The following KLF11 variants were observed in gnomAD, a reference collection of about 807,000 sequenced individuals.
KLF11 encodes the protein KLF transcription factor 11, also known as Krueppel-like factor 11.
A neutral mutation model predicts 29.9 loss-of-function variants in KLF11; 26 were observed. The ratio of observed to expected loss-of-function variants is 0.87; its 90% CI spans 0.64 to 1.21. The LOEUF (loss-of-function observed/expected upper bound fraction) is 1.21. Among genes scored for constraint, KLF11 ranks in the 50% most tolerant of loss-of-function variants. The pLI, the probability that KLF11 is intolerant of heterozygous loss-of-function variation, is 0.00. For missense variants in KLF11, 778 were observed against 665.7 expected, an observed-to-expected ratio of 1.17 and a Z score of -1.86; for synonymous variants, 318 against 257.4, an observed-to-expected ratio of 1.24 and a Z score of -2.25.
intron 1 of KLF11, among the ~76,000 whole-genome samples, chr2:10,045,638 A>G (rs1165870116): frequency 6.6e-6 from 1 of 152,228 alleles, no homozygotes; most frequent in Non-Finnish European, 1.5e-5. Flanking sequence ...CATGGGCCCT[A>G]CCTGCGTGGA....
intron 1 of KLF11, among the ~76,000 whole-genome samples, chr2:10,045,736 A>G (rs1408119335): frequency 6.6e-6 from 1 of 152,242 alleles, no homozygotes; most frequent in Admixed American, 6.5e-5. Flanking sequence ...TCAGAGAGCC[A>G]TGGTCAGGGC....
intron 3 of KLF11, 86 bp from the exon 4 acceptor site, chr2:10,052,141 A>G: frequency 7.3e-7 from 1 of 1,364,282 alleles, no homozygotes; most frequent in Non-Finnish European, 1.0e-6. Context: ...TTTGATGAAC[A>G]CGATTTTAAA....
chr2:10,049,050 A>C (rs557609197), intron 3 of KLF11, among the ~76,000 whole-genome samples: 127 of 152,270 alleles, frequency 8.3e-4, no homozygotes, highest in African/African-American at 3.0e-3. Context: ...ATTTTTTAAA[A>C]GAGTATAGTT....
At position 10,043,747 on chromosome 2, in the gene KLF11, G is replaced by A. The variant is rs1405894919; in HGVS notation, c.31G>A (p.Asp11Asn). 1 of 1,377,170 alleles carries A rather than the reference G, an allele frequency of 7.3e-7. No individual in the cohort carries two copies. Among genetic ancestry groups the A allele is most frequent in the Non-Finnish European group, 9.5e-7 (1 of 1,049,546 alleles). 85.3% of individuals were successfully genotyped at this position (1,377,170 alleles called of 1,614,324 possible). A position where few individuals can be genotyped will look rare whatever the true frequency, so the allele number is the denominator to read the frequency against. The change falls in exon 1 of 4, where the codon GAC (aspartate) becomes AAC (asparagine). Residue 11 changes from aspartate (D) to asparagine (N), a missense_variant. Transcript: ENST00000305883. MHTPDFAGPDDARAVDIMDIC... is the reference protein window; with the variant it reads MHTPDFAGPDNARAVDIMDIC... ...CACGCCGGACTTCGCAGGCCCAGAC[G>A]ACGCGCGCGCAGTGAGTGGTGGGGC...
chr2:10,047,871 C>T lies in KLF11; in HGVS notation c.534C>T (p.His178=), dbSNP rs777395231. 5 of 1,613,754 alleles carry T rather than the reference C, an allele frequency of 3.1e-6. No homozygotes were observed. In the Admixed American group the frequency reaches 6.7e-5, roughly 22 times the overall value. The change falls in exon 3 of 4, where the codon CAC becomes CAT. Residue 178 remains histidine (H), a synonymous_variant. Transcript: ENST00000305883. ...CCAAGGGGACTAGCGTGATCCGACA[C>T]ACTGGGGAGAGCCCTGCTGCCTGCT... ...CRAKGTSVIR[H]TGESPAACFP... is the part of the protein sequence containing the mutation.
At position 10,052,527 on chromosome 2, in the gene KLF11, C is replaced by T. The variant is rs1661439840; in HGVS notation, c.*20C>T. ...GCCTGAAAGGTCCATTAGGACATCACTCATGGGATTTTTAAAAAGCCTCTT... is the reference window on the plus strand; with the variant it reads ...GCCTGAAAGGTCCATTAGGACATCATTCATGGGATTTTTAAAAAGCCTCTT... On this transcript the variant is annotated 3_prime_UTR_variant, in exon 4 of 4. Transcript: ENST00000305883. 1 of 1,612,046 alleles carries T rather than the reference C, an allele frequency of 6.2e-7. No individual in the cohort carries two copies. Among genetic ancestry groups the T allele is most frequent in the African/African-American group, 1.3e-5 (1 of 74,994 alleles).
intron 1 of KLF11, among the ~76,000 whole-genome samples, chr2:10,045,777 C>T (rs1234893107): frequency 6.6e-6 from 1 of 152,254 alleles, no homozygotes; most frequent in Non-Finnish European, 1.5e-5. Context: ...GACTAGATGG[C>T]CTCAGTGTTG....
intron 1 of KLF11, 143 bp from the exon 2 acceptor site, chr2:10,046,007 C>T (rs565127878): frequency 8.5e-6 from 8 of 941,264 alleles, no homozygotes; most frequent in Admixed American, 6.9e-5. Context: ...TCTTTTACTA[C>T]ACCTCGGTGT....
chr2:10,051,683 A>G (rs1467124810), intron 3 of KLF11, among the ~76,000 whole-genome samples: 1 of 150,136 alleles, frequency 6.7e-6, no homozygotes, highest in Non-Finnish European at 1.5e-5. Flanking sequence ...ACACCCGGCT[A>G]GTTTTTTGTA....
chr2:10,044,688 C>T lies in KLF11; in HGVS notation c.42+930C>T, dbSNP rs564363791. Among the ~76,000 whole-genome samples the T allele has an allele frequency of 6.5e-4, 98 of 151,490 alleles. No individual in the cohort carries two copies. In the Middle Eastern group the frequency reaches 0.01, roughly 16 times the overall value. ...TGATAGGGAGTCTCGCTCTATCGCC[C>T]AGGCCGGAGTGCAGTGGGCGCGCGA... is the stretch of plus-strand genomic sequence containing the variant. On this transcript the variant is annotated intron_variant, in intron 1 of 3. Transcript: ENST00000305883.
Position 10,053,051 on chromosome 2 carries a change from C to G in KLF11, c.*544C>G. 5.1e-6 allele frequency: 2 copies of G among 392,586 alleles called. No individual in the cohort carries two copies. Among genetic ancestry groups the G allele is most frequent in the Non-Finnish European group, 4.5e-6 (1 of 223,040 alleles). 24.3% of individuals were successfully genotyped at this position (392,586 alleles called of 1,614,324 possible). A position where few individuals can be genotyped will look rare whatever the true frequency, so the allele number is the denominator to read the frequency against. On this transcript the variant is annotated 3_prime_UTR_variant, in exon 4 of 4. Transcript: ENST00000305883. Reference sequence around the variant, plus strand: ...CCACAAGTTATCTGGCCTTTTAGATCTTTTTGGAATCGGACCTGGTTGAGT... The same window carrying G: ...CCACAAGTTATCTGGCCTTTTAGATGTTTTTGGAATCGGACCTGGTTGAGT...
rs1461718345 is a variant in KLF11 at position 10,053,128 on chromosome 2, G to A, written c.*621G>A. Reference sequence around the variant, plus strand: ...ATTTTGCCGTCAGCTTCTTCATAACGTTTTCAAGGAAATTCTAGGCAATCA... The same window carrying A: ...ATTTTGCCGTCAGCTTCTTCATAACATTTTCAAGGAAATTCTAGGCAATCA... On this transcript the variant is annotated 3_prime_UTR_variant, in exon 4 of 4. Coordinates refer to ENST00000305883, the MANE Select transcript of KLF11 (RefSeq NM_003597.5). The A allele has an allele frequency of 1.0e-5, 4 of 397,946 alleles. No homozygotes were observed. The highest frequency in any genetic ancestry group is 2.1e-5 in the African/African-American group (1 of 48,606). 24.7% of individuals were successfully genotyped at this position (397,946 alleles called of 1,614,324 possible). A position where few individuals can be genotyped will look rare whatever the true frequency, so the allele number is the denominator to read the frequency against.
intron 3 of KLF11, among the ~76,000 whole-genome samples, chr2:10,050,750 C>T (rs1572444498): frequency 6.6e-6 from 1 of 152,044 alleles, no homozygotes; most frequent in Non-Finnish European, 1.5e-5. Flanking sequence ...GAAGAATCCC[C>T]TTGTGCCATT....
Position 10,046,246 on chromosome 2 carries a change from G to A in KLF11, c.139G>A (p.Ala47Thr), listed in dbSNP as rs1438476417. 1 of 1,614,228 alleles carries A rather than the reference G, an allele frequency of 6.2e-7. No homozygotes were observed. The highest frequency in any genetic ancestry group is 8.5e-7 in the Non-Finnish European group (1 of 1,180,046). The change falls in exon 2 of 4, where the codon GCT becomes ACT. Residue 47 changes from alanine to threonine, a missense_variant. Transcript: ENST00000305883. ...CSILEQTDME[A>T]VEALVCMSSW... ...CATCTTGGAGCAGACAGACATGGAAGCTGTCGAGGCTCTTGTTTGTATGAG... is the reference window on the plus strand; with the variant it reads ...CATCTTGGAGCAGACAGACATGGAAACTGTCGAGGCTCTTGTTTGTATGAG...
At chr2:10,044,579 A>G (rs946726756) in intron 1 of KLF11, 4 of 273,748 alleles carry the variant, frequency 1.5e-5, no homozygotes, top group Non-Finnish European at 2.2e-5. Flanking sequence ...GCAGACGGAA[A>G]GCTTTGATGC....
intron 1 of KLF11, chr2:10,044,349 C>G (rs1029442365): frequency 2.0e-6 from 2 of 985,534 alleles, no homozygotes; most frequent in African/African-American, 1.7e-5. Context: ...CCCTAAGCGT[C>G]GCGACCTGGG....
Position 10,044,385 on chromosome 2 carries a change from T to G in KLF11, c.42+627T>G, listed in dbSNP as rs1354207390. On this transcript the variant is annotated intron_variant, in intron 1 of 3. Coordinates refer to ENST00000305883, the MANE Select transcript of KLF11 (RefSeq NM_003597.5). ...GGCTTCGGGGAGGTAGCCGTGGACG[T>G]GGGCAGAGCGCGGGCCTCGTGGTGT... 4.1e-6 allele frequency: 4 copies of G among 985,472 alleles called. No individual in the cohort carries two copies. The African/African-American group carries it at 7.0e-5, about 17-fold the overall frequency. The allele number at this position is 985,472 out of a possible 1,614,324, so 61.0% of individuals were successfully genotyped here.
intron 3 of KLF11, among the ~76,000 whole-genome samples, chr2:10,050,619 G>C (rs1279269914): frequency 6.6e-6 from 1 of 152,084 alleles, no homozygotes; most frequent in African/African-American, 2.4e-5. Context: ...TGAGGCAGGA[G>C]AATCGCTTGA....
chr2:10,046,094 G>A (rs1484666371), intron 1 of KLF11, 56 bp from the exon 2 acceptor site: 2 of 1,608,642 alleles, frequency 1.2e-6, no homozygotes, highest in Admixed American at 3.3e-5. Context: ...TGCCCATCAT[G>A]GGTGGCCTCT....
Sources: allele counts gnomAD v4.1 joint callset (sites outside exome capture counted in the v4.1 genomes callset), GRCh38; gene constraint gnomAD v4.1.1; transcripts MANE v1.5; gene names NCBI Gene and HGNC (gene_info 2026-07-23, HGNC 2026-07-21).